The following LSM8 variants were observed in gnomAD, a reference collection of about 807,000 sequenced individuals.
The protein encoded by LSM8 is LSM8 U6 small nuclear RNA associated.
A neutral mutation model predicts 15.0 loss-of-function variants in LSM8; 14 were observed. The ratio of observed to expected loss-of-function variants is 0.93; its 90% CI spans 0.62 to 1.46. The LOEUF (loss-of-function observed/expected upper bound fraction) is 1.46. Ranked by LOEUF, LSM8 falls within the 40% of genes most tolerant of loss-of-function variation. LSM8 has a pLI of 0.00. For synonymous variants in LSM8, 50 were observed against 42.1 expected (o/e 1.19, Z -0.73); for missense variants, 90 against 115.4 (o/e 0.78, Z 1.01).
intron 2 of LSM8, among the ~76,000 whole-genome samples, chr7:118,187,463 CAAT>C (rs915623423): frequency 6.6e-6 from 1 of 152,138 alleles, no homozygotes; most frequent in Non-Finnish European, 1.5e-5. Flanking sequence ...GAGAATTAAA[CAAT>C]AAATCCATAT....
rs1809068307 is a variant in LSM8, at chr7:118,195,829, AAAAT to A, written c.*3828_*3831del. ...TTTCTGTCTACATGTAATACTGAAA[AAAAT>A]GTTGATAAGGTAAAGCTATCTCCAT... On this transcript the variant is annotated 3_prime_UTR_variant, in exon 4 of 4. Coordinates refer to ENST00000249299, the MANE Select transcript of LSM8 (RefSeq NM_016200.5). 1.3e-5 allele frequency among the ~76,000 whole-genome samples: 2 copies of A among 152,196 alleles called. No homozygotes were observed. Among genetic ancestry groups the A allele is most frequent in the Non-Finnish European group, 2.9e-5 (2 of 68,036 alleles).
In LSM8 at chr7:118,203,751, A is replaced by ATTT. The variant is rs1809205727; in HGVS notation, c.*11749_*11750insTTT. Among the ~76,000 whole-genome samples, 1 of 151,882 alleles carries ATTT rather than the reference A, an allele frequency of 6.6e-6. No homozygotes were observed. Among genetic ancestry groups the ATTT allele is most frequent in the East Asian group, 1.9e-4 (1 of 5,198 alleles). ...TAGTAACAGTTTAGTTGAGAAAATA[A>ATTT]ATCATAATTTGTGATTTCAAACATT... On this transcript the variant is annotated 3_prime_UTR_variant, in exon 4 of 4. Transcript: ENST00000249299.
In LSM8 at chr7:118,199,832, G is replaced by T. The variant is rs1165503957; in HGVS notation, c.*7830G>T. On this transcript the variant is annotated 3_prime_UTR_variant, in exon 4 of 4. Transcript: ENST00000249299. ...GGGTGATATGAGAGCCCATAGGAGAGACATCTAAAGTTTAATAGCAACACT... is the reference window on the plus strand; with the variant it reads ...GGGTGATATGAGAGCCCATAGGAGATACATCTAAAGTTTAATAGCAACACT... Among the ~76,000 whole-genome samples the T allele has an allele frequency of 6.6e-6, 1 of 152,110 alleles. No homozygotes were observed. The highest frequency in any genetic ancestry group is 1.9e-4 in the East Asian group (1 of 5,194).
chr7:118,186,583 A>G (rs1808893464), intron 2 of LSM8, among the ~76,000 whole-genome samples: 1 of 152,180 alleles, frequency 6.6e-6, no homozygotes. Flanking sequence ...CATATATGTT[A>G]CATTATTTAA....
chr7:118,185,395 A>G (rs1203030464), intron 1 of LSM8: 1 of 360,122 alleles, frequency 2.8e-6, no homozygotes, highest in Non-Finnish European at 5.0e-6. Flanking sequence ...CCTCCTGAGT[A>G]GCTGGGACTA....
At position 118,202,822 on chromosome 7, in the gene LSM8, C is replaced by A. The variant is rs1809191543; in HGVS notation, c.*10820C>A. On this transcript the variant is annotated 3_prime_UTR_variant, in exon 4 of 4. Coordinates refer to ENST00000249299, the MANE Select transcript of LSM8 (RefSeq NM_016200.5). Reference sequence around the variant, plus strand: ...GAGGCAGGTGAAAACAACTTCTATGCCCAAACAGAATTCTTTTTTATCTCT... The same window carrying A: ...GAGGCAGGTGAAAACAACTTCTATGACCAAACAGAATTCTTTTTTATCTCT... Among the ~76,000 whole-genome samples the A allele has an allele frequency of 6.6e-6, 1 of 151,862 alleles. No individual in the cohort carries two copies. The highest frequency in any genetic ancestry group is 2.1e-4 in the South Asian group (1 of 4,820).
chr7:118,194,865 T>G lies in LSM8; in HGVS notation c.*2863T>G, dbSNP rs1411297828. ...ATCATGTGCCAGGCCTGGTGCTGAG[T>G]GCTTACAATGATCATTTTATATATG... On this transcript the variant is annotated 3_prime_UTR_variant, in exon 4 of 4. Coordinates refer to ENST00000249299, the MANE Select transcript of LSM8 (RefSeq NM_016200.5). Among the ~76,000 whole-genome samples the G allele has an allele frequency of 1.3e-5, 2 of 152,130 alleles. No individual in the cohort carries two copies. The highest frequency in any genetic ancestry group is 1.3e-4 in the Admixed American group (2 of 15,268).
rs1307658747 is a variant in LSM8, at chr7:118,195,396, G to A, written c.*3394G>A. On this transcript the variant is annotated 3_prime_UTR_variant, in exon 4 of 4. Transcript: ENST00000249299. Reference sequence around the variant, plus strand: ...TTGGTATGATTTTGAGGACATAACCGTAAACAGCTATTTAATACTATTCCA... The same window carrying A: ...TTGGTATGATTTTGAGGACATAACCATAAACAGCTATTTAATACTATTCCA... Among the ~76,000 whole-genome samples the A allele has an allele frequency of 2.0e-5, 3 of 152,108 alleles. No homozygotes were observed. The highest frequency in any genetic ancestry group is 1.3e-4 in the Admixed American group (2 of 15,264).
At chr7:118,188,487 G>A in intron 3 of LSM8, 82 bp downstream of exon 3, 1 of 1,249,620 alleles carries the variant, frequency 8.0e-7, no homozygotes, top group South Asian at 1.4e-5. Flanking sequence ...ATACCCTACT[G>A]TATTGTCCAT....
rs1362909731 is a variant in LSM8 at position 118,201,852 on chromosome 7, CTT to C, written c.*9852_*9853del. Among the ~76,000 whole-genome samples, 1 of 152,056 alleles carries C rather than the reference CTT, an allele frequency of 6.6e-6. No homozygotes were observed. ...TCCATCAAGCAGGCTTTTAATGCAA[CTT>C]TATCTTCTGGGTTTCCCTAGTCATA... On this transcript the variant is annotated 3_prime_UTR_variant, in exon 4 of 4. Transcript: ENST00000249299.
rs889920758 is a variant in LSM8, at chr7:118,199,325, T to C, written c.*7323T>C. ...CAATACTAGTGCAAAGTTAATACTT[T>C]ATTCTTAGAGCAGCAAGTTGATTTT... On this transcript the variant is annotated 3_prime_UTR_variant, in exon 4 of 4. Coordinates refer to ENST00000249299, the MANE Select transcript of LSM8 (RefSeq NM_016200.5). Among the ~76,000 whole-genome samples, 1 of 152,132 alleles carries C rather than the reference T, an allele frequency of 6.6e-6. No homozygotes were observed. The highest frequency in any genetic ancestry group is 2.4e-5 in the African/African-American group (1 of 41,438).
rs1315517450 is a variant in LSM8, at chr7:118,198,392, A to G, written c.*6390A>G. Among the ~76,000 whole-genome samples the G allele has an allele frequency of 6.6e-6, 1 of 152,222 alleles. No individual in the cohort carries two copies. The highest frequency in any genetic ancestry group is 1.9e-4 in the East Asian group (1 of 5,198). On this transcript the variant is annotated 3_prime_UTR_variant, in exon 4 of 4. Transcript: ENST00000249299. ...GGAAGGATAATTTTAGGTCAAATGA[A>G]ATTCTACATTAAAGAAAGAAGAATA... is the stretch of plus-strand genomic sequence containing the variant.
intron 2 of LSM8, among the ~76,000 whole-genome samples, chr7:118,187,430 C>T (rs1808905564): frequency 6.6e-6 from 1 of 152,156 alleles, no homozygotes; most frequent in South Asian, 2.1e-4. Context: ...TTAGTATAGT[C>T]ACATTTGTAT....
In LSM8 at chr7:118,198,404, A is replaced by G. The variant is rs1809115059; in HGVS notation, c.*6402A>G. 6.6e-6 allele frequency among the ~76,000 whole-genome samples: 1 copy of G among 152,222 alleles called. No homozygotes were observed. The highest frequency in any genetic ancestry group is 6.5e-5 in the Admixed American group (1 of 15,274). ...TTAGGTCAAATGAAATTCTACATTA[A>G]AGAAAGAAGAATAAACCTTAACAAC... On this transcript the variant is annotated 3_prime_UTR_variant, in exon 4 of 4. Coordinates refer to ENST00000249299, the MANE Select transcript of LSM8 (RefSeq NM_016200.5).
rs1244355437 is a variant in LSM8, at chr7:118,198,476, C to A, written c.*6474C>A. 6.6e-6 allele frequency among the ~76,000 whole-genome samples: 1 copy of A among 152,106 alleles called. No individual in the cohort carries two copies. Among genetic ancestry groups the A allele is most frequent in the Non-Finnish European group, 1.5e-5 (1 of 68,034 alleles). ...CTGAGTATTTACTGCATGACAGTAA[C>A]AGAGATGACATGCCCGGTAAACTGG... On this transcript the variant is annotated 3_prime_UTR_variant, in exon 4 of 4. Coordinates refer to ENST00000249299, the MANE Select transcript of LSM8 (RefSeq NM_016200.5).
intron 3 of LSM8, chr7:118,190,575 T>C (rs1808961520): frequency 6.6e-6 from 1 of 152,198 alleles, no homozygotes; most frequent in African/African-American, 2.4e-5. Context: ...CCGCTTTTTT[T>C]CCAGAGAGCT....
rs1032262085 is a variant in LSM8, at chr7:118,196,794, A to G, written c.*4792A>G. On this transcript the variant is annotated 3_prime_UTR_variant, in exon 4 of 4. Transcript: ENST00000249299. ...CGCCAGGCTGGAGTGCAGTGGTGCA[A>G]TCTTGGCTCACTACAACCTCCGCAT... Among the ~76,000 whole-genome samples, 2 of 149,292 alleles carry G rather than the reference A, an allele frequency of 1.3e-5. No individual in the cohort carries two copies. Among genetic ancestry groups the G allele is most frequent in the East Asian group, 2.0e-4 (1 of 5,086 alleles).
In LSM8 at chr7:118,199,809, G is replaced by C. The variant is rs1410692145; in HGVS notation, c.*7807G>C. On this transcript the variant is annotated 3_prime_UTR_variant, in exon 4 of 4. Coordinates refer to ENST00000249299, the MANE Select transcript of LSM8 (RefSeq NM_016200.5). ...CTGACATGGTGAAGATATGTATTGGGTGATATGAGAGCCCATAGGAGAGAC... is the reference window on the plus strand; with the variant it reads ...CTGACATGGTGAAGATATGTATTGGCTGATATGAGAGCCCATAGGAGAGAC... Among the ~76,000 whole-genome samples, 1 of 152,148 alleles carries C rather than the reference G, an allele frequency of 6.6e-6. No homozygotes were observed.
intron 1 of LSM8, 72 bp from the exon 2 acceptor site, chr7:118,185,582 A>T (rs1269483986): frequency 7.5e-7 from 1 of 1,337,902 alleles, no homozygotes; most frequent in African/African-American, 1.4e-5. Flanking sequence ...TAAAAATTCA[A>T]ATCATTCCCT....
Sources: gnomAD v4.1 joint callset for allele counts (sites outside exome capture counted in the v4.1 genomes callset) on GRCh38, gnomAD v4.1.1 for gene constraint, MANE v1.5 for transcripts, NCBI Gene and HGNC (gene_info 2026-07-23, HGNC 2026-07-21) for gene names.